The following PNPLA1 variants were observed in gnomAD, a reference collection of about 807,000 sequenced individuals.
PNPLA1 encodes the protein omega-hydroxyceramide transacylase.
In PNPLA1, 36 loss-of-function variants were observed where a neutral mutation model predicts 51.7. The observed-to-expected ratio is 0.70, with a 90% CI of 0.53 to 0.92. PNPLA1 has a LOEUF of 0.92. Ranked by LOEUF, PNPLA1 falls within the 40% of genes least tolerant of loss-of-function variation. The pLI is 0.00. For synonymous variants in PNPLA1, 293 were observed against 280.1 expected (o/e 1.05, Z -0.46); for missense variants, 658 against 682.5 (o/e 0.96, Z 0.40).
At chr6:36,273,194 C>T (rs910311020) in intron 1 of PNPLA1, among the ~76,000 whole-genome samples, 5 of 151,818 alleles carry the variant, frequency 3.3e-5, no homozygotes, top group Non-Finnish European at 5.9e-5. Context: ...GCAGTGAGAT[C>T]GCGCTACTAC....
upstream of PNPLA1, among the ~76,000 whole-genome samples, chr6:36,267,802 T>G (rs980549426): frequency 6.6e-6 from 1 of 152,070 alleles, no homozygotes; most frequent in Non-Finnish European, 1.5e-5. Context: ...CCATGGATAG[T>G]GCCCATGTCT....
chr6:36,244,380 A>G (rs577560447), intron 1 of PNPLA1, among the ~76,000 whole-genome samples: 2 of 151,590 alleles, frequency 1.3e-5, no homozygotes, highest in African/African-American at 2.4e-5. Context: ...GTGGCATCCT[A>G]TATGTACTGT....
At chr6:36,291,598 A>ACCGGGGGGGGGGGGGGGT in intron 2 of PNPLA1, 46 bp downstream of exon 2, 4 of 362,224 alleles carry the variant, frequency 1.1e-5, no homozygotes, top group East Asian at 7.7e-5. Context: ...GGGGCGGGGG[A>ACCGGGGGGGGGGGGGGGT]GGGCGGCTCC....
At chr6:36,275,602 G>A (rs1327554370) in intron 1 of PNPLA1, among the ~76,000 whole-genome samples, 1 of 152,134 alleles carries the variant, frequency 6.6e-6, no homozygotes, top group African/African-American at 2.4e-5. Context: ...ATATTCAAGT[G>A]TCTCTTCTAT....
chr6:36,294,033 C>G lies in PNPLA1; in HGVS notation c.505-157C>G. The G allele has an allele frequency of 1.2e-6, 1 of 832,512 alleles. No homozygotes were observed. Among genetic ancestry groups the G allele is most frequent in the East Asian group, 2.7e-5 (1 of 37,568 alleles). 51.6% of individuals were successfully genotyped at this position (832,512 alleles called of 1,614,324 possible). ...GACCAGGGGCACACCACGCACCCAC[C>G]AGGACCTCCGTCTCCAGGCTTATCC... On this transcript the variant is annotated intron_variant, in intron 3 of 8. Transcript: ENST00000636260. This position sits in a 1 kb window ranked among gnomAD's most constrained non-coding sequence, Gnocchi z 4.2.
At chr6:36,279,650 A>T (rs9462169) in intron 1 of PNPLA1, among the ~76,000 whole-genome samples, 3,220 of 152,200 alleles carry the variant, frequency 0.021, 116 homozygotes, top group African/African-American at 0.071. Flanking sequence ...CTGGCCAGGG[A>T]CCCATCTCGC....
intron 1 of PNPLA1, among the ~76,000 whole-genome samples, chr6:36,287,755 AACACACACACACACACACACACACACAC>A (rs57750301): frequency 2.0e-5 from 3 of 148,342 alleles, no homozygotes; most frequent in Non-Finnish European, 3.0e-5. Flanking sequence ...GACAGACAGA[AACACACACACACACACACACACACACAC>A]ACACACACAC....
At chr6:36,243,471 A>G (rs1272546982) in intron 1 of PNPLA1, among the ~76,000 whole-genome samples, 2 of 152,220 alleles carry the variant, frequency 1.3e-5, no homozygotes, top group Non-Finnish European at 2.9e-5. Flanking sequence ...CAAGAGCTCC[A>G]TCTTTGACAA....
intron 8 of PNPLA1, among the ~76,000 whole-genome samples, chr6:36,310,619 A>G (rs1296029094): frequency 6.6e-6 from 1 of 152,250 alleles, no homozygotes; most frequent in Non-Finnish European, 1.5e-5. Flanking sequence ...ACCATGGCAC[A>G]GAGAGGTTAA....
intron 1 of PNPLA1, among the ~76,000 whole-genome samples, chr6:36,282,022 A>G (rs957061012): frequency 2.7e-5 from 4 of 147,300 alleles, no homozygotes; most frequent in Non-Finnish European, 5.9e-5. Flanking sequence ...AAACTCTGTG[A>G]AAGAGAGAAA....
At chr6:36,292,302 C>A (rs1306660297) in intron 2 of PNPLA1, among the ~76,000 whole-genome samples, 2 of 152,078 alleles carry the variant, frequency 1.3e-5, no homozygotes, top group East Asian at 3.9e-4. Context: ...GTCCCTCAGG[C>A]CCCCTGGGTT....
chr6:36,288,878 G>A (rs891811755), intron 1 of PNPLA1, among the ~76,000 whole-genome samples: 6 of 152,166 alleles, frequency 3.9e-5, no homozygotes, highest in African/African-American at 1.2e-4. Context: ...CCAGGGTGCA[G>A]TGAGCTATCA....
At position 36,300,440 on chromosome 6, in the gene PNPLA1, C is replaced by T. The variant is rs568000035; in HGVS notation, c.776-1421C>T. 1.4e-4 allele frequency among the ~76,000 whole-genome samples: 22 copies of T among 152,206 alleles called. No individual in the cohort carries two copies. The South Asian group carries it at 3.7e-3, about 26-fold the overall frequency. ...CAATCTCCTGACCTCATAATCCGCC[C>T]GCCTCGGCCTCCCAAAGTGCTGGGA... On this transcript the variant is annotated intron_variant, in intron 5 of 8. Transcript: ENST00000636260.
At chr6:36,277,071 G>A (rs1459139912) in intron 1 of PNPLA1, among the ~76,000 whole-genome samples, 1 of 152,228 alleles carries the variant, frequency 6.6e-6, no homozygotes, top group Non-Finnish European at 1.5e-5. Context: ...GACAGGTAGA[G>A]ACAGGTTGGG....
intron 1 of PNPLA1, among the ~76,000 whole-genome samples, chr6:36,279,133 G>A (rs1312054653): frequency 6.6e-6 from 1 of 152,230 alleles, no homozygotes; most frequent in South Asian, 2.1e-4. Context: ...TCTCAGAAAG[G>A]GAGATGGCTT....
At chr6:36,256,652 T>G (rs1769540031) in intron 1 of PNPLA1, among the ~76,000 whole-genome samples, 1 of 152,114 alleles carries the variant, frequency 6.6e-6, no homozygotes, top group Admixed American at 6.5e-5. Context: ...TTCACCATGT[T>G]AGCCAGGATG....
At chr6:36,281,079 C>A (rs1330063168) in intron 1 of PNPLA1, among the ~76,000 whole-genome samples, 1 of 152,250 alleles carries the variant, frequency 6.6e-6, no homozygotes, top group Non-Finnish European at 1.5e-5. Flanking sequence ...AGGCATGAGC[C>A]ATGGCACCTG....
Position 36,270,495 on chromosome 6 carries a change from C to T in PNPLA1, c.36C>T (p.Thr12=). Reference sequence around the variant, plus strand: ...AGGTGTTCAAGGGGGACCCGGACACCCCTCACTCCATCTCCTTCTCGGGCA... The same window carrying T: ...AGGTGTTCAAGGGGGACCCGGACACTCCTCACTCCATCTCCTTCTCGGGCA... The part of the protein sequence containing the change: ...EEQVFKGDPD[T]PHSISFSGSG... Residue 12 remains threonine, a synonymous_variant, in exon 1 of 9, where the codon ACC becomes ACT. Transcript: ENST00000636260. 1 of 1,551,484 alleles carries T rather than the reference C, an allele frequency of 6.4e-7. No homozygotes were observed. The highest frequency in any genetic ancestry group is 8.7e-7 in the Non-Finnish European group (1 of 1,147,004).
intron 5 of PNPLA1, among the ~76,000 whole-genome samples, chr6:36,299,901 G>A (rs1770978201): frequency 6.6e-6 from 1 of 151,976 alleles, no homozygotes. Flanking sequence ...AAATAATACA[G>A]GGTGTTTGTC....
Sources: allele counts gnomAD v4.1 joint callset (sites outside exome capture counted in the v4.1 genomes callset), GRCh38; gene constraint gnomAD v4.1.1; non-coding constraint Gnocchi (gnomAD v3.1); transcripts MANE v1.5; gene names NCBI Gene and HGNC (gene_info 2026-07-23, HGNC 2026-07-21).